The following ZFP91 variants were observed in gnomAD, a reference collection of about 807,000 sequenced individuals.
ZFP91 encodes the protein E3 ubiquitin-protein ligase ZFP91.
A neutral mutation model predicts 63.5 loss-of-function variants in ZFP91; 7 were observed. The observed-to-expected ratio is 0.11, with a 90% CI of 0.06 to 0.21. The LOEUF (loss-of-function observed/expected upper bound fraction) is 0.21, where lower values mean the gene tolerates loss of function less well. ZFP91 is among the 10% of genes least tolerant of loss of function. The pLI is 1.00. For missense variants in ZFP91, 628 were observed against 736.6 expected (o/e 0.85, Z 1.71); for synonymous variants, 330 against 272.1 (o/e 1.21, Z -2.10).
chr11:58,621,086 G>A lies in ZFP91; in HGVS notation c.*3380G>A, dbSNP rs1280278656. ...TTGTACTGAGTTACAGTTATCCTAG[G>A]GGTGAAACATGTGATGCTGCTAAGC... On this transcript the variant is annotated 3_prime_UTR_variant, in exon 11 of 11. Coordinates refer to ENST00000316059, the MANE Select transcript of ZFP91 (RefSeq NM_053023.5). 6.6e-6 allele frequency: 1 copy of A among 152,592 alleles called. No homozygotes were observed. Among genetic ancestry groups the A allele is most frequent in the African/African-American group, 2.4e-5 (1 of 41,426 alleles). 9.5% of individuals were successfully genotyped at this position (152,592 alleles called of 1,614,324 possible).
Position 58,619,628 on chromosome 11 carries a change from C to A in ZFP91, c.*1922C>A, listed in dbSNP as rs747412506. 3.3e-5 allele frequency: 5 copies of A among 152,516 alleles called. No homozygotes were observed. Among genetic ancestry groups the A allele is most frequent in the Non-Finnish European group, 7.4e-5 (5 of 68,020 alleles). The allele number at this position is 152,516 out of a possible 1,614,324, so 9.4% of individuals were successfully genotyped here. A position where few individuals can be genotyped will look rare whatever the true frequency, so the allele number is the denominator to read the frequency against. On this transcript the variant is annotated 3_prime_UTR_variant, in exon 11 of 11. Transcript: ENST00000316059. ...CCAACTAGTGTCAGCATTTGGGATG[C>A]CAGGGAACAGAGAGTGAGACACCTA...
chr11:58,585,414 A>T (rs1239887474), intron 2 of ZFP91, among the ~76,000 whole-genome samples: 1 of 152,198 alleles, frequency 6.6e-6, no homozygotes, highest in African/African-American at 2.4e-5. Context: ...AAAATACTTT[A>T]TTCTGGCTTT....
At chr11:58,598,766 G>GTT (rs1165277698) in intron 2 of ZFP91, among the ~76,000 whole-genome samples, 1 of 148,324 alleles carries the variant, frequency 6.7e-6, no homozygotes, top group Non-Finnish European at 1.5e-5. Flanking sequence ...GTGTGTGTGT[G>GTT]TGTGTGTGTG....
chr11:58,611,542 G>T, intron 5 of ZFP91, 62 bp from the exon 6 acceptor site: 3 of 1,557,914 alleles, frequency 1.9e-6, no homozygotes, highest in Non-Finnish European at 2.6e-6. Context: ...GCTTTAATTT[G>T]TTGTCATAGT....
chr11:58,601,895 T>A (rs1383794758), intron 2 of ZFP91, among the ~76,000 whole-genome samples: 1 of 152,196 alleles, frequency 6.6e-6, no homozygotes, highest in Non-Finnish European at 1.5e-5. Flanking sequence ...CCATTTGAAA[T>A]TTATTGAGAC....
intron 7 of ZFP91, 92 bp from the exon 8 acceptor site, chr11:58,612,670 C>G: frequency 1.1e-6 from 1 of 920,658 alleles, no homozygotes; most frequent in Non-Finnish European, 1.7e-6. Flanking sequence ...TATAAAATAG[C>G]TATTCCCAAT....
chr11:58,596,249 G>T (rs1441373359), intron 2 of ZFP91, among the ~76,000 whole-genome samples: 3 of 152,166 alleles, frequency 2.0e-5, no homozygotes. Flanking sequence ...CATTGAGTAG[G>T]CTAAGGAGGA....
intron 4 of ZFP91, 101 bp from the exon 5 acceptor site, chr11:58,610,849 T>C (rs1855648408): frequency 1.0e-6 from 1 of 975,624 alleles, no homozygotes. Context: ...GCTAGATGAC[T>C]TTATCAGTGT....
intron 1 of ZFP91, among the ~76,000 whole-genome samples, chr11:58,580,844 A>G (rs1296916942): frequency 6.6e-6 from 1 of 152,242 alleles, no homozygotes; most frequent in Non-Finnish European, 1.5e-5. Flanking sequence ...GTCGACAGCA[A>G]AAATCTGTAC....
At chr11:58,610,092 A>G in intron 3 of ZFP91, 53 bp downstream of exon 3, 3 of 1,588,516 alleles carry the variant, frequency 1.9e-6, no homozygotes, top group Non-Finnish European at 1.7e-6. Context: ...GTTACATTTT[A>G]AATGTAATGT....
intron 2 of ZFP91, among the ~76,000 whole-genome samples, chr11:58,586,236 G>A (rs912996739): frequency 3.3e-5 from 5 of 152,154 alleles, no homozygotes; most frequent in East Asian, 1.9e-4. Context: ...ATTACCTTAC[G>A]TGTCCAAAGA....
Position 58,618,882 on chromosome 11 carries a change from A to G in ZFP91, c.*1176A>G. ...ACAGTGTTGAAACTTAAGAATTTTGAGAGGGTGAGGAGGGTTGTTCAGAAT... is the reference window on the plus strand; with the variant it reads ...ACAGTGTTGAAACTTAAGAATTTTGGGAGGGTGAGGAGGGTTGTTCAGAAT... On this transcript the variant is annotated 3_prime_UTR_variant, in exon 11 of 11. Coordinates refer to ENST00000316059, the MANE Select transcript of ZFP91 (RefSeq NM_053023.5). 7.4e-6 allele frequency: 2 copies of G among 272,078 alleles called. No homozygotes were observed. The highest frequency in any genetic ancestry group is 7.0e-5 in the South Asian group (2 of 28,774). The allele number at this position is 272,078 out of a possible 1,614,324, so 16.9% of individuals were successfully genotyped here.
intron 2 of ZFP91, among the ~76,000 whole-genome samples, chr11:58,588,756 A>G (rs1423802307): frequency 6.6e-6 from 1 of 152,066 alleles, no homozygotes; most frequent in Non-Finnish European, 1.5e-5. Context: ...AGTATATTTA[A>G]AGAATATTTT....
intron 2 of ZFP91, among the ~76,000 whole-genome samples, chr11:58,596,784 C>G (rs145573300): frequency 5.9e-5 from 9 of 151,828 alleles, no homozygotes; most frequent in African/African-American, 1.9e-4. Context: ...AAGTCATGCA[C>G]AACATCTGGA....
At chr11:58,584,241 G>C (rs893338582) in intron 1 of ZFP91, among the ~76,000 whole-genome samples, 6 of 151,910 alleles carry the variant, frequency 3.9e-5, no homozygotes, top group African/African-American at 1.4e-4. Context: ...ATTTTGATTT[G>C]GTCTTAACAA....
chr11:58,618,801 C>A lies in ZFP91; in HGVS notation c.*1095C>A. 2 of 425,290 alleles carry A rather than the reference C, an allele frequency of 4.7e-6. No homozygotes were observed. The highest frequency in any genetic ancestry group is 9.3e-6 in the Non-Finnish European group (2 of 215,236). 26.3% of individuals were successfully genotyped at this position (425,290 alleles called of 1,614,324 possible). ...CAATAGCCTAGTGCTTTTTTGGAAGCCTTTTTAGGGAAGAATGTTAGGTTC... is the reference window on the plus strand; with the variant it reads ...CAATAGCCTAGTGCTTTTTTGGAAGACTTTTTAGGGAAGAATGTTAGGTTC... On this transcript the variant is annotated 3_prime_UTR_variant, in exon 11 of 11. Coordinates refer to ENST00000316059, the MANE Select transcript of ZFP91 (RefSeq NM_053023.5).
chr11:58,594,739 CA>C (rs1055329706), intron 2 of ZFP91, among the ~76,000 whole-genome samples: 5 of 152,156 alleles, frequency 3.3e-5, no homozygotes, highest in African/African-American at 4.8e-5. Context: ...CATTAATACA[CA>C]GTGTTGATTT....
At chr11:58,608,811 G>A (rs1346113727) in intron 2 of ZFP91, among the ~76,000 whole-genome samples, 3 of 152,072 alleles carry the variant, frequency 2.0e-5, no homozygotes, top group African/African-American at 7.2e-5. Context: ...CACCACGTTG[G>A]CCAGGCTGGT....
At chr11:58,579,845 C>T (rs971459352) in intron 1 of ZFP91, among the ~76,000 whole-genome samples, 3 of 152,118 alleles carry the variant, frequency 2.0e-5, no homozygotes, top group African/African-American at 7.2e-5. Context: ...TTCCCCACTC[C>T]CCGAAATCAT....
Sources: gnomAD v4.1 joint callset for allele counts (sites outside exome capture counted in the v4.1 genomes callset) on GRCh38, gnomAD v4.1.1 for gene constraint, MANE v1.5 for transcripts, NCBI Gene and HGNC (gene_info 2026-07-23, HGNC 2026-07-21) for gene names.